Variants in SORCS3 observed in about 807,000 individuals in gnomAD.
SORCS3 encodes the protein VPS10 domain-containing receptor SorCS3.
In SORCS3, 57 loss-of-function variants were observed where a neutral mutation model predicts 146.3. That is an observed-to-expected ratio of 0.39 (90% confidence interval 0.31 to 0.49). SORCS3 has a LOEUF of 0.49. Among genes scored for constraint, SORCS3 ranks in the 20% least tolerant of loss-of-function variants. The pLI, the probability that SORCS3 is intolerant of heterozygous loss-of-function variation, is 0.92. For synonymous variants in SORCS3, 653 were observed against 618.5 expected (o/e 1.06, Z -0.83); for missense variants, 1,341 against 1,575.5 (o/e 0.85, Z 2.52).
chr10:105,213,234 C>CT (rs1294666118), intron 17 of SORCS3, among the ~76,000 whole-genome samples: 5 of 152,112 alleles, frequency 3.3e-5, no homozygotes, highest in African/African-American at 1.2e-4. Flanking sequence ...ACAACATTAG[C>CT]TTAATATCCC....
chr10:105,092,554 A>G (rs1218211749), intron 6 of SORCS3, among the ~76,000 whole-genome samples: 1 of 151,518 alleles, frequency 6.6e-6, no homozygotes, highest in African/African-American at 2.4e-5. Context: ...AAAATGCATA[A>G]TGCCTTTCCT....
At chr10:104,934,305 T>C (rs955448000) in intron 3 of SORCS3, among the ~76,000 whole-genome samples, 4 of 152,234 alleles carry the variant, frequency 2.6e-5, no homozygotes, top group African/African-American at 9.6e-5. Flanking sequence ...TAAGGCTATG[T>C]ATGAGACAAT....
intron 20 of SORCS3, among the ~76,000 whole-genome samples, chr10:105,234,463 A>AT (rs1246619642): frequency 7.0e-6 from 1 of 143,052 alleles, no homozygotes. Flanking sequence ...ATTATTTCAG[A>AT]TTTTTTTCTG....
At chr10:105,052,073 C>T (rs1393174056) in intron 5 of SORCS3, among the ~76,000 whole-genome samples, 1 of 152,114 alleles carries the variant, frequency 6.6e-6, no homozygotes, top group Non-Finnish European at 1.5e-5. Flanking sequence ...ATGGTCAACT[C>T]TTTGGAAGAA....
chr10:105,009,535 A>T (rs1230302952), intron 4 of SORCS3, among the ~76,000 whole-genome samples: 1 of 102,608 alleles, frequency 9.7e-6, no homozygotes, highest in East Asian at 3.0e-4. Context: ...AACAAAAAAA[A>T]AAAAAAAAAA....
At chr10:104,787,419 T>C (rs1421371724) in intron 1 of SORCS3, among the ~76,000 whole-genome samples, 1 of 152,248 alleles carries the variant, frequency 6.6e-6, no homozygotes, top group Non-Finnish European at 1.5e-5. Context: ...TAGGTCTGCA[T>C]TGTTGAGCTC....
intron 4 of SORCS3, among the ~76,000 whole-genome samples, chr10:105,029,142 G>A (rs2055248772): frequency 6.6e-6 from 1 of 152,172 alleles, no homozygotes. Context: ...CCTCTGGCCA[G>A]GTATTCTATT....
intron 14 of SORCS3, among the ~76,000 whole-genome samples, chr10:105,182,228 A>ATTTTTTTTTTTT (rs1306740780): frequency 1.0e-4 from 7 of 69,346 alleles, no homozygotes; most frequent in Admixed American, 2.1e-4. Flanking sequence ...ACTATTCAGC[A>ATTTTTTTTTTTT]TCTTTTTTTT....
chr10:104,766,572 G>T (rs1009855738), intron 1 of SORCS3, among the ~76,000 whole-genome samples: 6 of 152,208 alleles, frequency 3.9e-5, no homozygotes, highest in Admixed American at 1.3e-4. Context: ...AATCATGAAT[G>T]AATGACTCAT....
At chr10:105,131,236 A>G (rs925927210) in intron 7 of SORCS3, among the ~76,000 whole-genome samples, 4 of 152,350 alleles carry the variant, frequency 2.6e-5, no homozygotes, top group Middle Eastern at 3.4e-3. Flanking sequence ...AGAAAAGTCA[A>G]TTGTGCATCG....
chr10:104,650,984 A>C (rs1383547864), intron 1 of SORCS3, among the ~76,000 whole-genome samples: 1 of 152,244 alleles, frequency 6.6e-6, no homozygotes, highest in African/African-American at 2.4e-5. Flanking sequence ...GAGATGAAGA[A>C]CAATGACTGA....
chr10:105,020,498 A>C (rs1389758863), intron 4 of SORCS3, among the ~76,000 whole-genome samples: 1 of 152,180 alleles, frequency 6.6e-6, no homozygotes, highest in Non-Finnish European at 1.5e-5. Flanking sequence ...TGTCAGATGA[A>C]TATTGGGGAT....
intron 3 of SORCS3, among the ~76,000 whole-genome samples, chr10:104,968,988 C>T (rs562023410): frequency 6.6e-6 from 1 of 152,334 alleles, no homozygotes; most frequent in African/African-American, 2.4e-5. Flanking sequence ...GCTTTGCCCT[C>T]ACAGGCATTG....
At chr10:104,754,600 G>A (rs1348597258) in intron 1 of SORCS3, among the ~76,000 whole-genome samples, 1 of 150,520 alleles carries the variant, frequency 6.6e-6, no homozygotes, top group Non-Finnish European at 1.5e-5. Flanking sequence ...TTGAAAGATA[G>A]ATAAGCTTCC....
At chr10:105,209,831 C>T (rs762783892) in intron 16 of SORCS3, among the ~76,000 whole-genome samples, 7 of 152,022 alleles carry the variant, frequency 4.6e-5, no homozygotes, top group South Asian at 2.1e-4. Context: ...GGGTCAGACT[C>T]GGAAGATATT....
chr10:104,871,909 C>T (rs894365111), intron 2 of SORCS3, among the ~76,000 whole-genome samples: 2 of 152,026 alleles, frequency 1.3e-5, no homozygotes, highest in Admixed American at 6.6e-5. Flanking sequence ...TACCCCTTTG[C>T]GTCTTATTTC....
intron 3 of SORCS3, among the ~76,000 whole-genome samples, chr10:104,956,469 AC>A: frequency 6.6e-6 from 1 of 152,342 alleles, no homozygotes; most frequent in Non-Finnish European, 1.5e-5. Flanking sequence ...GTTCGGAAAC[AC>A]CATGGGACAT....
intron 11 of SORCS3, among the ~76,000 whole-genome samples, chr10:105,163,804 T>C (rs2056287067): frequency 6.6e-6 from 1 of 151,856 alleles, no homozygotes. Flanking sequence ...ATCTGTACCA[T>C]TGGGTCACTC....
intron 1 of SORCS3, among the ~76,000 whole-genome samples, chr10:104,816,757 C>G (rs762995533): frequency 2.0e-5 from 3 of 152,214 alleles, no homozygotes; most frequent in Non-Finnish European, 4.4e-5. Context: ...TCCTTAGCCT[C>G]TTTGAGCCTG....
Sources: allele counts gnomAD v4.1 joint callset (sites outside exome capture counted in the v4.1 genomes callset), GRCh38; gene constraint gnomAD v4.1.1; transcripts MANE v1.5; gene names NCBI Gene and HGNC (gene_info 2026-07-23, HGNC 2026-07-21).